Variants in COL22A1 observed in about 807,000 individuals in gnomAD.
The protein encoded by COL22A1 is collagen alpha-1(XXII) chain.
COL22A1 carries 221 observed loss-of-function variants against 248.9 expected under a neutral mutation model. That is an observed-to-expected ratio of 0.89 (90% confidence interval 0.80 to 0.99). COL22A1 has a LOEUF of 0.99. Ranked by LOEUF, COL22A1 falls within the 50% of genes least tolerant of loss-of-function variation. COL22A1 has a pLI of 0.00. For missense variants in COL22A1, 2,240 were observed against 2,179.0 expected, an observed-to-expected ratio of 1.03 and a Z score of -0.56; for synonymous variants, 891 against 793.4, an observed-to-expected ratio of 1.12 and a Z score of -2.07.
At chr8:138,856,738 G>A (rs969496708) in intron 3 of COL22A1, among the ~76,000 whole-genome samples, 5 of 152,148 alleles carry the variant, frequency 3.3e-5, no homozygotes, top group Non-Finnish European at 5.9e-5. Context: ...ACAGAGAGAG[G>A]AGCTTTTGTG....
At chr8:138,835,692 G>T (rs1034915604) in intron 4 of COL22A1, among the ~76,000 whole-genome samples, 1 of 152,316 alleles carries the variant, frequency 6.6e-6, no homozygotes, top group East Asian at 1.9e-4. Context: ...GAGACTGTGT[G>T]GGGGAGAGAA....
At chr8:138,713,485 C>T (rs566455238) in intron 30 of COL22A1, among the ~76,000 whole-genome samples, 10 of 152,314 alleles carry the variant, frequency 6.6e-5, no homozygotes, top group South Asian at 2.1e-4. Flanking sequence ...TTTCCCCGCA[C>T]GCTGTTCAAG....
At chr8:138,774,974 G>A (rs16909591) in intron 16 of COL22A1, among the ~76,000 whole-genome samples, 11,061 of 152,218 alleles carry the variant, frequency 0.073, 1,141 homozygotes, top group African/African-American at 0.23. Flanking sequence ...ATATGCCTAC[G>A]TGCCCACTAT....
intron 23 of COL22A1, among the ~76,000 whole-genome samples, chr8:138,728,178 G>A (rs371534335): frequency 1.2e-3 from 183 of 152,124 alleles, no homozygotes; most frequent in African/African-American, 3.9e-3. Context: ...GACTACAGGC[G>A]TGTGCTACCA....
intron 1 of COL22A1, among the ~76,000 whole-genome samples, chr8:138,897,035 C>T (rs1046149857): frequency 1.3e-5 from 2 of 152,070 alleles, no homozygotes; most frequent in African/African-American, 2.4e-5. Flanking sequence ...AACCTCATTC[C>T]ATAACCTTGC....
chr8:138,721,284 T>C (rs925670643), intron 26 of COL22A1, among the ~76,000 whole-genome samples: 18 of 152,226 alleles, frequency 1.2e-4, no homozygotes, highest in African/African-American at 4.3e-4. Flanking sequence ...AACAGTTGCC[T>C]TTCCAAGTTG....
At chr8:138,603,000 TG>T (rs1235400897) in intron 59 of COL22A1, among the ~76,000 whole-genome samples, 1 of 152,232 alleles carries the variant, frequency 6.6e-6, no homozygotes, top group African/African-American at 2.4e-5. Flanking sequence ...AGCTTGATAT[TG>T]GCGAAGGAAA....
At chr8:138,883,453 G>A (rs1411366087) in intron 1 of COL22A1, among the ~76,000 whole-genome samples, 3 of 152,168 alleles carry the variant, frequency 2.0e-5, no homozygotes, top group Admixed American at 6.5e-5. Context: ...GATCCCCCCA[G>A]CCATCCAATT....
At chr8:138,800,758 T>C (rs910745820) in intron 11 of COL22A1, among the ~76,000 whole-genome samples, 1 of 152,188 alleles carries the variant, frequency 6.6e-6, no homozygotes, top group Non-Finnish European at 1.5e-5. Context: ...TGGTGGTTTC[T>C]CTGAATTCAG....
At chr8:138,865,581 GTGTGAGTGTA>G (rs1822807666) in intron 3 of COL22A1, among the ~76,000 whole-genome samples, 1 of 150,632 alleles carries the variant, frequency 6.6e-6, no homozygotes. Flanking sequence ...GTATGCCTGT[GTGTGAGTGTA>G]TGTGTGTGTA....
chr8:138,855,351 A>G (rs1411752927), intron 3 of COL22A1, among the ~76,000 whole-genome samples: 1 of 152,206 alleles, frequency 6.6e-6, no homozygotes, highest in African/African-American at 2.4e-5. Flanking sequence ...CCCCTCATCC[A>G]AAGTCACAGG....
chr8:138,682,314 T>C (rs566834465), intron 39 of COL22A1, among the ~76,000 whole-genome samples: 1 of 152,292 alleles, frequency 6.6e-6, no homozygotes, highest in South Asian at 2.1e-4. Flanking sequence ...ACTTAGAAAG[T>C]GGCTCAAGGG....
intron 3 of COL22A1, among the ~76,000 whole-genome samples, chr8:138,862,759 GTT>G (rs55690333): frequency 0.038 from 5,545 of 145,386 alleles, 173 homozygotes; most frequent in African/African-American, 0.093. Flanking sequence ...AAGATACAAG[GTT>G]TTTTTTTTTT....
chr8:138,842,257 G>A (rs1419350240), intron 4 of COL22A1, among the ~76,000 whole-genome samples: 1 of 152,206 alleles, frequency 6.6e-6, no homozygotes, highest in Non-Finnish European at 1.5e-5. Context: ...GGTAAATGAG[G>A]AAATGCGTGC....
At chr8:138,830,902 A>AC (rs1461834236) in intron 5 of COL22A1, among the ~76,000 whole-genome samples, 1 of 152,196 alleles carries the variant, frequency 6.6e-6, no homozygotes, top group Non-Finnish European at 1.5e-5. Context: ...TGCACCCCCC[A>AC]CATGAGCATG....
At chr8:138,701,666 C>A (rs1452637586) in intron 31 of COL22A1, among the ~76,000 whole-genome samples, 1 of 152,222 alleles carries the variant, frequency 6.6e-6, no homozygotes, top group Admixed American at 6.5e-5. Context: ...CACAATAACT[C>A]TAAGAGGTGG....
At chr8:138,799,484 T>C (rs909071024) in intron 11 of COL22A1, among the ~76,000 whole-genome samples, 1 of 152,198 alleles carries the variant, frequency 6.6e-6, no homozygotes, top group Non-Finnish European at 1.5e-5. Flanking sequence ...TCTTTTCTTG[T>C]TTATTTGCTC....
intron 22 of COL22A1, among the ~76,000 whole-genome samples, chr8:138,745,278 C>T (rs570118428): frequency 2.0e-5 from 3 of 151,940 alleles, no homozygotes; most frequent in East Asian, 1.9e-4. Context: ...CAAGGCAGGG[C>T]GTAAGAAGGG....
chr8:138,623,097 A>G (rs1405596687), intron 52 of COL22A1, among the ~76,000 whole-genome samples: 2 of 150,578 alleles, frequency 1.3e-5, no homozygotes, highest in African/African-American at 4.9e-5. Flanking sequence ...CCCAACTAAC[A>G]GCTACTGGGA....
Sources: gnomAD v4.1 joint callset for allele counts (sites outside exome capture counted in the v4.1 genomes callset) on GRCh38, gnomAD v4.1.1 for gene constraint, MANE v1.5 for transcripts, NCBI Gene and HGNC (gene_info 2026-07-23, HGNC 2026-07-21) for gene names.